HERC5: variants seen among roughly 807,000 people sequenced by gnomAD.
HERC5 encodes the protein HECT and RLD domain containing E3 ubiquitin protein ligase 5, also known as E3 ISG15--protein ligase HERC5.
In HERC5, 99 loss-of-function variants were observed where a neutral mutation model predicts 119.6. That is an observed-to-expected ratio of 0.83 (90% CI 0.70 to 0.98). The LOEUF is 0.98. Ranked by LOEUF, HERC5 falls within the 50% of genes least tolerant of loss-of-function variation. The pLI is 0.00. For synonymous variants in HERC5, 478 were observed against 445.9 expected (o/e 1.07, Z -0.91); for missense variants, 1,267 against 1,241.3 (o/e 1.02, Z -0.31).
intron 3 of HERC5, 137 bp from the exon 4 acceptor site, chr4:88,461,996 CAT>C: frequency 1.4e-6 from 1 of 699,070 alleles, no homozygotes; most frequent in Non-Finnish European, 2.4e-6. Flanking sequence ...CTGTGGCAGA[CAT>C]AGGGTAACTG....
chr4:88,505,985 A>G lies in HERC5; in HGVS notation c.*107A>G. On this transcript the variant is annotated 3_prime_UTR_variant, in exon 23 of 23. Transcript: ENST00000264350. ...TTGTTTTAGGCTTTTAGCAGCCTGA[A>G]GCCATGGTTTTTCATTTCTGTCTCT... 3 of 852,534 alleles carry G rather than the reference A, an allele frequency of 3.5e-6. No homozygotes were observed. The South Asian group carries it at 5.4e-5, about 15-fold the overall frequency. 52.8% of individuals were successfully genotyped at this position (852,534 alleles called of 1,614,324 possible). A position where few individuals can be genotyped will look rare whatever the true frequency, so the allele number is the denominator to read the frequency against.
Position 88,457,177 on chromosome 4 carries a change from T to C in HERC5, c.-93T>C, listed in dbSNP as rs1232267827. The C allele has an allele frequency of 2.4e-6, 3 of 1,237,470 alleles. No individual in the cohort carries two copies. Among genetic ancestry groups the C allele is most frequent in the African/African-American group, 1.6e-5 (1 of 64,352 alleles). The allele number at this position is 1,237,470 out of a possible 1,614,324, so 76.7% of individuals were successfully genotyped here. Reference sequence around the variant, plus strand: ...AGCTGCGCGCAGCTGGTTCCCGCTCTGCAGCGCAACGCCTGAGGCAGTGGG... The same window carrying C: ...AGCTGCGCGCAGCTGGTTCCCGCTCCGCAGCGCAACGCCTGAGGCAGTGGG... On this transcript the variant is annotated 5_prime_UTR_variant, in exon 1 of 23. Transcript: ENST00000264350.
In HERC5 at chr4:88,474,539, G is replaced by A. The variant is rs954516906; in HGVS notation, c.1393-1302G>A. Among the ~76,000 whole-genome samples, 5 of 152,150 alleles carry A rather than the reference G, an allele frequency of 3.3e-5. No homozygotes were observed. In the East Asian group the frequency reaches 9.6e-4, roughly 29 times the overall value. ...GTTGAAATAGAGTTGTCAGGTATAC[G>A]TAACTCCAAAGACCGAATCTCATCG... On this transcript the variant is annotated intron_variant, in intron 11 of 22. Transcript: ENST00000264350.
rs1169918230 is a variant in HERC5, at chr4:88,463,903, C to A, written c.829C>A (p.His277Asn). 1.9e-6 allele frequency: 3 copies of A among 1,613,754 alleles called. No homozygotes were observed. The highest frequency in any genetic ancestry group is 1.1e-5 in the South Asian group (1 of 91,042). Residue 277 changes from histidine (H) to asparagine (N), a missense_variant, in exon 6 of 23, where the codon CAT becomes AAT. Transcript: ENST00000264350. ...TGCTGGAAAACATGGGCAACTTGGT[C>A]ATAATTCAACACAGAATGAGCTAAG... Reference protein sequence around the residue: ...FGAGKHGQLGHNSTQNELRPC... With the variant: ...FGAGKHGQLGNNSTQNELRPC...
At chr4:88,497,867 C>T (rs562514562) in intron 18 of HERC5, among the ~76,000 whole-genome samples, 1 of 152,186 alleles carries the variant, frequency 6.6e-6, no homozygotes, top group Non-Finnish European at 1.5e-5. Flanking sequence ...GGCTGTCACT[C>T]CCATCATAGG....
At chr4:88,486,029 A>G in intron 13 of HERC5, 86 bp from the exon 14 acceptor site, 1 of 723,888 alleles carries the variant, frequency 1.4e-6, no homozygotes, top group East Asian at 2.7e-5. Flanking sequence ...TTTCATTTAT[A>G]ATTTAATCTG....
At position 88,483,163 on chromosome 4, in the gene HERC5, TA is replaced by T. The variant is rs1741338348; in HGVS notation, c.1738-2951del. Among the ~76,000 whole-genome samples the T allele has an allele frequency of 2.6e-5, 4 of 152,142 alleles. No homozygotes were observed. In the South Asian group the frequency reaches 8.3e-4, roughly 32 times the overall value. On this transcript the variant is annotated intron_variant, in intron 13 of 22. Transcript: ENST00000264350. ...GAAATTTTTTTTCATGGACTATTCT[TA>T]GTTTCCAAAGGAAATGCTTTTAGTA...
intron 2 of HERC5, among the ~76,000 whole-genome samples, chr4:88,459,815 T>C (rs541607952): frequency 2.6e-5 from 4 of 152,312 alleles, no homozygotes; most frequent in African/African-American, 9.6e-5. Context: ...GTGAGACTTT[T>C]CCCTAGTAGA....
Position 88,505,917 on chromosome 4 carries a change from A to G in HERC5, c.*39A>G, listed in dbSNP as rs990483391. The stretch of plus-strand genomic sequence containing the variant: ...CCAACAGCCTTATTTTGTTGTTGTT[A>G]TCGTTGTTGTTGTTGTTGTTGTTGT... On this transcript the variant is annotated 3_prime_UTR_variant, in exon 23 of 23. Transcript: ENST00000264350. 11 of 1,483,000 alleles carry G rather than the reference A, an allele frequency of 7.4e-6. No homozygotes were observed. In the African/African-American group the frequency reaches 1.4e-4, roughly 19 times the overall value. The allele number at this position is 1,483,000 out of a possible 1,614,324, so 91.9% of individuals were successfully genotyped here.
intron 16 of HERC5, 95 bp from the exon 17 acceptor site, chr4:88,492,917 C>A: frequency 1.6e-6 from 2 of 1,236,056 alleles, no homozygotes; most frequent in Non-Finnish European, 2.3e-6. Context: ...CTTGGGTCCA[C>A]AATTAATGTT....
chr4:88,499,541 A>C (rs1054719542), intron 18 of HERC5, among the ~76,000 whole-genome samples: 1 of 152,214 alleles, frequency 6.6e-6, no homozygotes, highest in South Asian at 2.1e-4. Flanking sequence ...CTGATACCTG[A>C]AATTTAATAT....
At chr4:88,469,400 CTCTA>C in intron 9 of HERC5, 140 bp downstream of exon 9, 1 of 678,176 alleles carries the variant, frequency 1.5e-6, no homozygotes. Flanking sequence ...GTATTTCTGT[CTCTA>C]TCTTTATCTC....
At chr4:88,465,304 T>C (rs1468161948) in intron 6 of HERC5, among the ~76,000 whole-genome samples, 1 of 152,230 alleles carries the variant, frequency 6.6e-6, no homozygotes, top group Non-Finnish European at 1.5e-5. Flanking sequence ...TTCCCCCATA[T>C]ACACTTATTC....
Position 88,489,203 on chromosome 4 carries a change from T to G in HERC5, c.2000T>G (p.Ile667Ser). ...AAAGCTTATCTTAGGTCGGCAGCAA[T>G]TGAGGAAGAAAGAGAGTCTGAATTC... ...KHKAYLRSAA[I>S]EEERESEFAL... Residue 667 changes from isoleucine (I) to serine (S), a missense_variant, in exon 16 of 23, where the codon ATT (isoleucine) becomes AGT (serine). Ile to Ser is a moderately radical substitution (Grantham distance 142, BLOSUM62 -2). Coordinates refer to ENST00000264350, the MANE Select transcript of HERC5 (RefSeq NM_016323.4). 6.2e-7 allele frequency: 1 copy of G among 1,613,378 alleles called. No individual in the cohort carries two copies. Among genetic ancestry groups the G allele is most frequent in the Admixed American group, 1.7e-5 (1 of 59,856 alleles).
rs752148971 is a variant in HERC5, at chr4:88,469,267, C to T, written c.1238+7C>T. Reference sequence around the variant, plus strand: ...GGTGGCAGAGCACAAAAAGGTACACCCCACAGTCTGACTCTCTGCTTATAT... The same window carrying T: ...GGTGGCAGAGCACAAAAAGGTACACTCCACAGTCTGACTCTCTGCTTATAT... On this transcript the variant is annotated splice_region_variant and intron_variant, in intron 9 of 22. Transcript: ENST00000264350. The T allele has an allele frequency of 6.3e-7, 1 of 1,576,476 alleles. No individual in the cohort carries two copies.
chr4:88,466,369 A>G (rs538794061), intron 6 of HERC5, among the ~76,000 whole-genome samples: 17 of 152,316 alleles, frequency 1.1e-4, no homozygotes, highest in Middle Eastern at 3.4e-3. Flanking sequence ...GGCATGAGCC[A>G]CCACACCCCA....
rs1026444727 is a variant in HERC5 at position 88,486,961 on chromosome 4, G to A, written c.1852-108G>A. The A allele has an allele frequency of 5.2e-5, 33 of 639,396 alleles. 1 individual carries two copies. In the East Asian group the frequency reaches 9.5e-4, roughly 18 times the overall value. The allele number at this position is 639,396 out of a possible 1,614,324, so 39.6% of individuals were successfully genotyped here. On this transcript the variant is annotated intron_variant, in intron 14 of 22. Coordinates refer to ENST00000264350, the MANE Select transcript of HERC5 (RefSeq NM_016323.4). The stretch of plus-strand genomic sequence containing the variant: ...TGGACCAGTAATTTGGATTGCTTTT[G>A]TTGGAAGTACTGAGACCTTAAACCA...
chr4:88,475,693 G>A lies in HERC5; in HGVS notation c.1393-148G>A, dbSNP rs958134512. The A allele has an allele frequency of 6.0e-5, 41 of 678,996 alleles. No homozygotes were observed. The Admixed American group carries it at 7.2e-4, about 12-fold the overall frequency. The allele number at this position is 678,996 out of a possible 1,614,324, so 42.1% of individuals were successfully genotyped here. A position where few individuals can be genotyped will look rare whatever the true frequency, so the allele number is the denominator to read the frequency against. On this transcript the variant is annotated intron_variant, in intron 11 of 22. Coordinates refer to ENST00000264350, the MANE Select transcript of HERC5 (RefSeq NM_016323.4). ...TTTTGGAGGCTAGGTGAGAAGGGATGTAAACAGGGGTTTTAGAAAACTCAA... is the reference window on the plus strand; with the variant it reads ...TTTTGGAGGCTAGGTGAGAAGGGATATAAACAGGGGTTTTAGAAAACTCAA...
intron 6 of HERC5, 138 bp from the exon 7 acceptor site, chr4:88,466,921 C>G: frequency 1.2e-6 from 1 of 848,158 alleles, no homozygotes. Flanking sequence ...TTCTTGGTTT[C>G]CAGATGATTT....
Sources: gnomAD v4.1 joint callset for allele counts (sites outside exome capture counted in the v4.1 genomes callset) on GRCh38, gnomAD v4.1.1 for gene constraint, MANE v1.5 for transcripts, NCBI Gene and HGNC (gene_info 2026-07-23, HGNC 2026-07-21) for gene names.